Variants in RWDD4 observed in about 807,000 individuals in gnomAD.
RWDD4 encodes RWD domain-containing protein 4.
RWDD4 carries 16 observed loss-of-function variants against 30.0 expected under a neutral mutation model. That is an observed-to-expected ratio of 0.53 (90% CI 0.36 to 0.81). RWDD4 has a LOEUF of 0.81. Ranked by LOEUF, RWDD4 falls within the 30% of genes least tolerant of loss-of-function variation. RWDD4 has a pLI of 0.00. For synonymous variants in RWDD4, 45 were observed against 72.1 expected (o/e 0.62, Z 1.90); for missense variants, 170 against 223.9 (o/e 0.76, Z 1.54).
At chr4:183,646,290 A>C in intron 7 of RWDD4, 61 bp downstream of exon 7, 1 of 780,074 alleles carries the variant, frequency 1.3e-6, no homozygotes. Context: ...AAAAAAAAAA[A>C]GATCTAAAAT....
chr4:183,658,888 C>G, intron 1 of RWDD4, 41 bp downstream of exon 1: 4 of 1,237,856 alleles, frequency 3.2e-6, no homozygotes, highest in East Asian at 3.1e-5. Flanking sequence ...GGCTGCGCGC[C>G]GCGCCCGCGC....
chr4:183,647,297 G>A (rs891955338), intron 5 of RWDD4, among the ~76,000 whole-genome samples: 3 of 152,052 alleles, frequency 2.0e-5, no homozygotes, highest in Admixed American at 6.6e-5. Context: ...CTCAAAACAA[G>A]TACATTATAT....
At chr4:183,650,919 A>G in intron 4 of RWDD4, 65 bp downstream of exon 4, 2 of 1,548,602 alleles carry the variant, frequency 1.3e-6, no homozygotes, top group Middle Eastern at 2.4e-4. Context: ...AGTAGTACAA[A>G]TTTATTGCTA....
chr4:183,652,361 CTTT>C (rs59841926), intron 2 of RWDD4, among the ~76,000 whole-genome samples: 5 of 123,308 alleles, frequency 4.1e-5, no homozygotes, highest in Non-Finnish European at 3.2e-5. Context: ...TCTCCCCTGG[CTTT>C]TTTTTTTTTT....
At chr4:183,647,972 C>T (rs4400032) in intron 5 of RWDD4, among the ~76,000 whole-genome samples, 39,595 of 151,668 alleles carry the variant, frequency 0.26, 6,241 homozygotes, top group African/African-American at 0.44. Flanking sequence ...AGGCCGGATG[C>T]GGTGGCTCAA....
intron 1 of RWDD4, chr4:183,656,192 C>T (rs1734190526): frequency 2.8e-6 from 1 of 355,732 alleles, no homozygotes; most frequent in Non-Finnish European, 5.1e-6. Flanking sequence ...AATGTATGAT[C>T]GCGCTGACTT....
chr4:183,652,387 G>T (rs1734097051), intron 2 of RWDD4, among the ~76,000 whole-genome samples: 3 of 137,438 alleles, frequency 2.2e-5, no homozygotes, highest in African/African-American at 8.8e-5. Flanking sequence ...TTGAGACAGG[G>T]TCTCACTCCA....
At position 183,659,164 on chromosome 4, in the gene RWDD4, C is replaced by T. The variant is rs896027421; in HGVS notation, c.-212G>A. The T allele has an allele frequency of 2.7e-5, 11 of 400,984 alleles. No homozygotes were observed. Among genetic ancestry groups the T allele is most frequent in the Non-Finnish European group, 4.8e-5 (11 of 230,012 alleles). 24.8% of individuals were successfully genotyped at this position (400,984 alleles called of 1,614,324 possible). On this transcript the variant is annotated 5_prime_UTR_variant, in exon 1 of 8. Coordinates refer to ENST00000326397, the MANE Select transcript of RWDD4 (RefSeq NM_152682.4). Reference sequence around the variant, plus strand: ...GGCTGTGGGCTACGAGCCGGAGCCGCGGCTGGTGGGGCCTGGGAAGTGCAG... The same window carrying T: ...GGCTGTGGGCTACGAGCCGGAGCCGTGGCTGGTGGGGCCTGGGAAGTGCAG...
At chr4:183,645,486 A>G (rs6552692) in intron 7 of RWDD4, among the ~76,000 whole-genome samples, 39,566 of 151,828 alleles carry the variant, frequency 0.26, 6,246 homozygotes, top group African/African-American at 0.44. Context: ...CACAAAAGCC[A>G]AGGCCAGGTG....
intron 7 of RWDD4, among the ~76,000 whole-genome samples, chr4:183,645,816 C>T (rs150995083): frequency 1.0e-3 from 157 of 152,226 alleles, no homozygotes; most frequent in African/African-American, 3.4e-3. Flanking sequence ...GAAAGTAAAA[C>T]ATTCTTTTCC....
intron 1 of RWDD4, 84 bp downstream of exon 1, chr4:183,658,845 G>A (rs963774628): frequency 3.5e-5 from 40 of 1,145,588 alleles, no homozygotes; most frequent in Non-Finnish European, 4.3e-5. Flanking sequence ...TGCCGGGCAG[G>A]CTGTCCGGGC....
chr4:183,641,281 A>G lies in RWDD4; in HGVS notation c.*155T>C. ...TAATTTAATACAACAAGATCTCTTC[A>G]TGAACTTTCAACTTACAACCTTTTT... On this transcript the variant is annotated 3_prime_UTR_variant, in exon 8 of 8. Coordinates refer to ENST00000326397, the MANE Select transcript of RWDD4 (RefSeq NM_152682.4). 1 of 677,574 alleles carries G rather than the reference A, an allele frequency of 1.5e-6. No individual in the cohort carries two copies. Among genetic ancestry groups the G allele is most frequent in the South Asian group, 1.7e-5 (1 of 58,792 alleles). The allele number at this position is 677,574 out of a possible 1,614,324, so 42.0% of individuals were successfully genotyped here.
chr4:183,649,328 C>T (rs4862232), intron 5 of RWDD4, 123 bp downstream of exon 5: 14,815 of 600,398 alleles, frequency 0.025, 237 homozygotes, highest in Middle Eastern at 0.034. Context: ...GCAGGAGAAT[C>T]GCATGAGCCT....
In RWDD4 at chr4:183,650,998, G is replaced by T. The variant is rs1310794854; in HGVS notation, c.349C>A (p.Pro117Thr). The change falls in exon 4 of 8, where the codon CCC becomes ACC. Residue 117 changes from proline to threonine, a missense_variant. By Grantham distance (38) the Pro-to-Thr change is conservative (BLOSUM62 -1). Transcript: ENST00000326397. Reference sequence around the variant, plus strand: ...CACATACTCACTGCGGAATTGATGGGATTGTGATTCTCCATGAACTGCTCT... The same window carrying T: ...CACATACTCACTGCGGAATTGATGGTATTGTGATTCTCCATGAACTGCTCT... The part of the protein sequence containing the change: ...NKEQFMENHN[P>T]INSATSISNI... The T allele has an allele frequency of 6.2e-7, 1 of 1,610,922 alleles. No homozygotes were observed. Among genetic ancestry groups the T allele is most frequent in the African/African-American group, 1.3e-5 (1 of 74,820 alleles).
rs1325919357 is a variant in RWDD4, at chr4:183,641,556, C to A, written c.535-88G>T. 64 of 1,025,092 alleles carry A rather than the reference C, an allele frequency of 6.2e-5. 1 individual carries two copies. The South Asian group carries it at 8.5e-4, about 14-fold the overall frequency. The allele number at this position is 1,025,092 out of a possible 1,614,324, so 63.5% of individuals were successfully genotyped here. On this transcript the variant is annotated intron_variant, in intron 7 of 7. Coordinates refer to ENST00000326397, the MANE Select transcript of RWDD4 (RefSeq NM_152682.4). ...AGTATCAAAATTAAACTATAGGCAA[C>A]GAGGCTTAAGTAACTTAAATCACCT...
At position 183,641,007 on chromosome 4, in the gene RWDD4, G is replaced by A. The variant is rs554791403; in HGVS notation, c.*429C>T. ...AGCAAAAGAAGAGATGAAGACTTAA[G>A]AGAAGAAGCCTATTAATATGGATTG... On this transcript the variant is annotated 3_prime_UTR_variant, in exon 8 of 8. Transcript: ENST00000326397. 2.4e-3 allele frequency: 372 copies of A among 155,778 alleles called. 1 individual carries two copies. In the Middle Eastern group the frequency reaches 0.026, roughly 11 times the overall value. 9.6% of individuals were successfully genotyped at this position (155,778 alleles called of 1,614,324 possible). A position where few individuals can be genotyped will look rare whatever the true frequency, so the allele number is the denominator to read the frequency against.
In RWDD4 at chr4:183,648,257, A is replaced by C. The variant is rs544743835; in HGVS notation, c.481+1194T>G. Among the ~76,000 whole-genome samples, 22 of 151,630 alleles carry C rather than the reference A, an allele frequency of 1.5e-4. No homozygotes were observed. In the South Asian group the frequency reaches 4.2e-3, roughly 29 times the overall value. On this transcript the variant is annotated intron_variant, in intron 5 of 7. Transcript: ENST00000326397. ...GTCTCAAAAGAAAAAAGAAAAAAAA[A>C]AAAAAAGGCCCTCACCAAAATAAAA...
In RWDD4 at chr4:183,646,498, T is replaced by G; in HGVS notation, c.521A>C (p.Asp174Ala). 1 of 1,612,502 alleles carries G rather than the reference T, an allele frequency of 6.2e-7. No individual in the cohort carries two copies. The highest frequency in any genetic ancestry group is 8.5e-7 in the Non-Finnish European group (1 of 1,179,584). Reference sequence around the variant, plus strand: ...ATAAATGTTATATACCTTCACAACATCAACCCAGTTCCAGCCTCGAGGAAG... The same window carrying G: ...ATAAATGTTATATACCTTCACAACAGCAACCCAGTTCCAGCCTCGAGGAAG... ...GELPRGWNWV[D>A]VVKHLSKTGS... Residue 174 changes from aspartate to alanine, a missense_variant, in exon 6 of 8, where the codon GAT becomes GCT. Transcript: ENST00000326397.
At chr4:183,653,750 T>A (rs1317973829) in intron 2 of RWDD4, 3 of 152,222 alleles carry the variant, frequency 2.0e-5, no homozygotes, top group Non-Finnish European at 4.4e-5. Flanking sequence ...TGATAAAAGT[T>A]ACCTGCTTGA....
Sources: allele counts gnomAD v4.1 joint callset (sites outside exome capture counted in the v4.1 genomes callset), GRCh38; gene constraint gnomAD v4.1.1; transcripts MANE v1.5; gene names NCBI Gene and HGNC (gene_info 2026-07-23, HGNC 2026-07-21).